Variants in ADAMTS3 observed in about 807,000 individuals in gnomAD.
ADAMTS3 encodes the protein ADAM metallopeptidase with thrombospondin type 1 motif 3.
Under a neutral mutation model 129.0 loss-of-function variants are expected in ADAMTS3, and 73 were observed. That is an observed-to-expected ratio of 0.57 (90% CI 0.47 to 0.69). ADAMTS3 has a LOEUF of 0.69. ADAMTS3 is among the 30% of genes least tolerant of loss of function. The pLI is 0.00. For synonymous variants in ADAMTS3, 477 were observed against 510.8 expected, an observed-to-expected ratio of 0.93 and a Z score of 0.89; for missense variants, 1,457 against 1,514.5, an observed-to-expected ratio of 0.96 and a Z score of 0.63.
chr4:72,508,622 T>C (rs1208791868), intron 3 of ADAMTS3, among the ~76,000 whole-genome samples: 1 of 152,116 alleles, frequency 6.6e-6, no homozygotes, highest in African/African-American at 2.4e-5. Flanking sequence ...AATTTCATAA[T>C]ACCAATATTG....
chr4:72,400,248 G>C (rs1364410782), intron 4 of ADAMTS3, among the ~76,000 whole-genome samples: 11 of 140,418 alleles, frequency 7.8e-5, no homozygotes, highest in Admixed American at 2.8e-4. Context: ...TGCACACATG[G>C]TGTGTATATA....
intron 3 of ADAMTS3, among the ~76,000 whole-genome samples, chr4:72,509,817 A>T (rs985329566): frequency 6.6e-6 from 1 of 152,016 alleles, no homozygotes; most frequent in Non-Finnish European, 1.5e-5. Context: ...TAAAAAAAAA[A>T]AACTACAGGT....
intron 3 of ADAMTS3, among the ~76,000 whole-genome samples, chr4:72,529,211 G>A (rs1041520994): frequency 2.6e-5 from 4 of 152,152 alleles, no homozygotes; most frequent in South Asian, 2.1e-4. Flanking sequence ...CAGAATGGCC[G>A]AATACAGTAA....
At chr4:72,557,080 G>T (rs1272582937) in intron 2 of ADAMTS3, among the ~76,000 whole-genome samples, 1 of 151,818 alleles carries the variant, frequency 6.6e-6, no homozygotes, top group Non-Finnish European at 1.5e-5. Context: ...CGATGAAGTG[G>T]CAGTTCACAC....
chr4:72,417,595 G>A (rs530705211), intron 3 of ADAMTS3, among the ~76,000 whole-genome samples: 12 of 151,902 alleles, frequency 7.9e-5, no homozygotes, highest in Admixed American at 2.0e-4. Context: ...TCTGAAAGTC[G>A]GCCCTTTTAT....
chr4:72,544,310 C>G (rs1721411943), intron 3 of ADAMTS3, among the ~76,000 whole-genome samples: 1 of 152,010 alleles, frequency 6.6e-6, no homozygotes, highest in Non-Finnish European at 1.5e-5. Context: ...TATAGAGTGA[C>G]AACAGTAAAG....
rs557625827 is a variant in ADAMTS3, at chr4:72,470,376, T to TATATATATATAC, written c.505-55406_505-55405insGTATATATATAT. Among the ~76,000 whole-genome samples, 141 of 137,968 alleles carry TATATATATATAC rather than the reference T, an allele frequency of 1.0e-3. 1 individual carries two copies. The highest frequency in any genetic ancestry group is 1.4e-3 in the African/African-American group (52 of 37,596). The allele number at this position is 137,968 out of a possible 152,430, so 90.5% of individuals were successfully genotyped here. ...TATTTTAAGTTTATATATATATATATACACACACACACACACACACACACA... is the reference window on the plus strand; with the variant it reads ...TATTTTAAGTTTATATATATATATATATATATATATACACACACACACACACACACACACACA... On this transcript the variant is annotated intron_variant, in intron 3 of 21. Coordinates refer to ENST00000286657, the MANE Select transcript of ADAMTS3 (RefSeq NM_014243.3).
At chr4:72,479,177 G>T (rs1719346245) in intron 3 of ADAMTS3, among the ~76,000 whole-genome samples, 1 of 152,084 alleles carries the variant, frequency 6.6e-6, no homozygotes, top group Non-Finnish European at 1.5e-5. Flanking sequence ...TTTCTTCACA[G>T]AATTGGAAAA....
Position 72,339,553 on chromosome 4 carries a change from C to T in ADAMTS3, c.802G>A (p.Val268Met). 6.2e-7 allele frequency: 1 copy of T among 1,613,964 alleles called. No homozygotes were observed. Among genetic ancestry groups the T allele is most frequent in the Non-Finnish European group, 8.5e-7 (1 of 1,179,896 alleles). Residue 268 changes from valine (V) to methionine (M), a missense_variant, in exon 5 of 22, where the codon GTG becomes ATG. By Grantham distance (21) the Val-to-Met change is conservative (BLOSUM62 1). Transcript: ENST00000286657. The part of the protein sequence containing the change: ...IEVLLGVDDS[V>M]VRFHGKEHVQ... ...TGCTCTTTGCCATGGAAACGGACCA[C>T]AGAGTCATCCACTCCCAGCAGTACC...
chr4:72,516,169 G>C lies in ADAMTS3; in HGVS notation c.504+32309C>G, dbSNP rs186263589. Reference sequence around the variant, plus strand: ...TGTAGATATGCAGCATTATTTCTGAGGGCTCTGTTCTGTTCCATTGTTCTA... The same window carrying C: ...TGTAGATATGCAGCATTATTTCTGACGGCTCTGTTCTGTTCCATTGTTCTA... On this transcript the variant is annotated intron_variant, in intron 3 of 21. Coordinates refer to ENST00000286657, the MANE Select transcript of ADAMTS3 (RefSeq NM_014243.3). Among the ~76,000 whole-genome samples the C allele has an allele frequency of 3.4e-3, 525 of 152,194 alleles. 5 individuals are homozygous for C. Among genetic ancestry groups the C allele is most frequent in the African/African-American group, 0.012 (509 of 41,522 alleles).
intron 3 of ADAMTS3, among the ~76,000 whole-genome samples, chr4:72,415,804 G>A (rs1459013351): frequency 6.6e-6 from 1 of 151,898 alleles, no homozygotes. Flanking sequence ...TAAACATCAA[G>A]TCCACATTAC....
At position 72,290,926 on chromosome 4, in the gene ADAMTS3, G is replaced by T. The variant is rs753521781; in HGVS notation, c.2860C>A (p.Arg954Ser). The change falls in exon 20 of 22, where the codon CGT becomes AGT. Residue 954 changes from arginine to serine, a missense_variant. Transcript: ENST00000286657. ...SVHSKYCMGD[R>S]PESRRPCNRV... ...TTACAGGGCCGGCGGCTCTCGGGAC[G>T]GTCACCCATGCAGTATTTGCTGTGC... 1.2e-6 allele frequency: 2 copies of T among 1,614,006 alleles called. No homozygotes were observed. Among genetic ancestry groups the T allele is most frequent in the South Asian group, 2.2e-5 (2 of 91,078 alleles).
At chr4:72,561,325 C>T (rs1455005364) in intron 2 of ADAMTS3, among the ~76,000 whole-genome samples, 3 of 151,114 alleles carry the variant, frequency 2.0e-5, no homozygotes, top group Non-Finnish European at 2.9e-5. Flanking sequence ...CCAGCCTGAG[C>T]AACAGAGTGA....
In ADAMTS3 at chr4:72,568,815, A is replaced by ACACCC; in HGVS notation, c.-54_-53insGGGTG. ...TGGGCAAAGCAAATGCCCAGAGCAA[A>ACACCC]CCCACCCCCCCCGCCCAAAATAAGT... On this transcript the variant is annotated 5_prime_UTR_variant, in exon 1 of 22. Transcript: ENST00000286657. 8.7e-7 allele frequency: 1 copy of ACACCC among 1,150,002 alleles called. No individual in the cohort carries two copies. The highest frequency in any genetic ancestry group is 1.2e-6 in the Non-Finnish European group (1 of 850,606). The allele number at this position is 1,150,002 out of a possible 1,614,324, so 71.2% of individuals were successfully genotyped here.
At chr4:72,357,263 T>C (rs1720604592) in intron 4 of ADAMTS3, among the ~76,000 whole-genome samples, 1 of 151,944 alleles carries the variant, frequency 6.6e-6, no homozygotes, top group Non-Finnish European at 1.5e-5. Context: ...ATTCTACTCC[T>C]ATGTAAAAAC....
At chr4:72,352,198 C>A (rs116540452) in intron 4 of ADAMTS3, among the ~76,000 whole-genome samples, 120 of 152,114 alleles carry the variant, frequency 7.9e-4, no homozygotes, top group Non-Finnish European at 1.4e-3. Context: ...AGTGAGAACA[C>A]TTTACCACGT....
Position 72,455,918 on chromosome 4 carries a change from A to T in ADAMTS3, c.505-40947T>A, listed in dbSNP as rs1363670117. On this transcript the variant is annotated intron_variant, in intron 3 of 21. Transcript: ENST00000286657. The stretch of plus-strand genomic sequence containing the variant: ...TATATAGTATATACACTGTATATAT[A>T]CTATATATATTTTATATATAGTATA... Among the ~76,000 whole-genome samples, 920 of 108,662 alleles carry T rather than the reference A, an allele frequency of 8.5e-3. 84 individuals carry two copies. Among genetic ancestry groups the T allele is most frequent in the African/African-American group, 0.034 (873 of 25,348 alleles). The allele number at this position is 108,662 out of a possible 152,430, so 71.3% of individuals were successfully genotyped here.
chr4:72,568,743 C>A lies in ADAMTS3; in HGVS notation c.20G>T (p.Trp7Leu). MVLLSL[W>L]LIAAALVEVR... ...CTCTACCAGAGCGGCTGCTATCAAC[C>A]AAAGTGACAGGAGAACCATCACGAG... The change falls in exon 1 of 22, where the codon TGG (tryptophan) becomes TTG (leucine). Residue 7 changes from tryptophan (W) to leucine (L), a missense_variant. Physicochemically the swap from Trp to Leu is moderately conservative, Grantham distance 61. Coordinates refer to ENST00000286657, the MANE Select transcript of ADAMTS3 (RefSeq NM_014243.3). 1.2e-6 allele frequency: 2 copies of A among 1,613,694 alleles called. No homozygotes were observed. Among genetic ancestry groups the A allele is most frequent in the East Asian group, 2.2e-5 (1 of 44,824 alleles).
chr4:72,366,365 C>T (rs1477684344), intron 4 of ADAMTS3, among the ~76,000 whole-genome samples: 3 of 152,076 alleles, frequency 2.0e-5, no homozygotes, highest in Admixed American at 6.6e-5. Context: ...CGGTAGAAGA[C>T]GATGTGAAGT....
Sources: gnomAD v4.1 joint callset for allele counts (sites outside exome capture counted in the v4.1 genomes callset) on GRCh38, gnomAD v4.1.1 for gene constraint, MANE v1.5 for transcripts, NCBI Gene and HGNC (gene_info 2026-07-23, HGNC 2026-07-21) for gene names.